TUBGCP4: variants seen among roughly 807,000 people sequenced by gnomAD.
TUBGCP4 encodes the protein tubulin gamma complex component 4.
In TUBGCP4, 54 loss-of-function variants were observed where a neutral mutation model predicts 91.6. The observed-to-expected ratio is 0.59, with a 90% CI of 0.47 to 0.74. The LOEUF is 0.74. Ranked by LOEUF, TUBGCP4 falls within the 30% of genes least tolerant of loss-of-function variation. The probability of loss-of-function intolerance (pLI) is 0.00; values close to 1 mark genes in which losing one functional copy is unlikely to be tolerated. For missense variants in TUBGCP4, 593 were observed against 800.9 expected (o/e 0.74, Z 3.13); for synonymous variants, 297 against 302.8 (o/e 0.98, Z 0.20).
intron 7 of TUBGCP4, among the ~76,000 whole-genome samples, chr15:43,384,872 A>C (rs1055204568): frequency 6.6e-6 from 1 of 152,192 alleles, no homozygotes; most frequent in African/African-American, 2.4e-5. Context: ...GGGGAGACTT[A>C]GGTGAAAATA....
Position 43,405,373 on chromosome 15 carries a change from C to T in TUBGCP4, c.*159C>T, listed in dbSNP as rs2044835055. 1.4e-6 allele frequency: 1 copy of T among 739,590 alleles called. No individual in the cohort carries two copies. The highest frequency in any genetic ancestry group is 2.3e-6 in the Non-Finnish European group (1 of 439,038). The allele number at this position is 739,590 out of a possible 1,614,324, so 45.8% of individuals were successfully genotyped here. Reference sequence around the variant, plus strand: ...AGCAGTTACTGAACATCCAGGAGTACAACTCCTTCCCATCATTCCCATGTG... The same window carrying T: ...AGCAGTTACTGAACATCCAGGAGTATAACTCCTTCCCATCATTCCCATGTG... On this transcript the variant is annotated 3_prime_UTR_variant, in exon 18 of 18. Transcript: ENST00000564079.
chr15:43,405,422 A>G lies in TUBGCP4; in HGVS notation c.*208A>G. On this transcript the variant is annotated 3_prime_UTR_variant, in exon 18 of 18. Coordinates refer to ENST00000564079, the MANE Select transcript of TUBGCP4 (RefSeq NM_014444.5). Reference sequence around the variant, plus strand: ...TGGAAGGGTCTCTCCCATCAAGGAGAACATGTGGCATCTCTGATCCTTTAC... The same window carrying G: ...TGGAAGGGTCTCTCCCATCAAGGAGGACATGTGGCATCTCTGATCCTTTAC... 1 of 606,748 alleles carries G rather than the reference A, an allele frequency of 1.6e-6. No individual in the cohort carries two copies. The highest frequency in any genetic ancestry group is 2.9e-6 in the Non-Finnish European group (1 of 341,136). The allele number at this position is 606,748 out of a possible 1,614,324, so 37.6% of individuals were successfully genotyped here. A position where few individuals can be genotyped will look rare whatever the true frequency, so the allele number is the denominator to read the frequency against.
chr15:43,401,721 T>C lies in TUBGCP4; in HGVS notation c.1602T>C (p.Asp534=), dbSNP rs374986339. The C allele has an allele frequency of 5.0e-5, 80 of 1,614,108 alleles. No homozygotes were observed. In the Middle Eastern group the frequency reaches 1.8e-3, roughly 37 times the overall value. ...VDNLQYYLQV[D]VLESQFSQLL... is the part of the protein sequence containing the mutation. ...TTTTTTGTAATGTCTATCAGGTAGA[T>C]GTGTTGGAGTCTCAGTTCTCCCAGC... is the stretch of plus-strand genomic sequence containing the variant. The change falls in exon 15 of 18, where the codon GAT becomes GAC. Residue 534 remains aspartate (D), a synonymous_variant. Coordinates refer to ENST00000564079, the MANE Select transcript of TUBGCP4 (RefSeq NM_014444.5).
At chr15:43,377,689 T>C in intron 4 of TUBGCP4, 158 bp from the exon 5 acceptor site, 1 of 577,020 alleles carries the variant, frequency 1.7e-6, no homozygotes, top group Non-Finnish European at 3.0e-6. Flanking sequence ...GCAGCGAACC[T>C]CCACATCAAA....
At position 43,383,578 on chromosome 15, in the gene TUBGCP4, T is replaced by C. The variant is rs1049926551; in HGVS notation, c.723+74T>C. 5 of 1,366,258 alleles carry C rather than the reference T, an allele frequency of 3.7e-6. No homozygotes were observed. The African/African-American group carries it at 5.8e-5, about 16-fold the overall frequency. The allele number at this position is 1,366,258 out of a possible 1,614,324, so 84.6% of individuals were successfully genotyped here. A position where few individuals can be genotyped will look rare whatever the true frequency, so the allele number is the denominator to read the frequency against. On this transcript the variant is annotated intron_variant, in intron 7 of 17. Transcript: ENST00000564079. ...AGCATGCACACAAATGATCTTCTGG[T>C]GATCCCTTCTTAGCTCATAGCTGAG...
Position 43,383,338 on chromosome 15 carries a change from A to C in TUBGCP4, c.557A>C (p.Gln186Pro), listed in dbSNP as rs773090430. Residue 186 changes from glutamine to proline, a missense_variant, in exon 7 of 18, where the codon CAG becomes CCG. Gln to Pro is a moderately conservative substitution (Grantham distance 76). Coordinates refer to ENST00000564079, the MANE Select transcript of TUBGCP4 (RefSeq NM_014444.5). Reference protein sequence around the residue: ...LAVCHGVMYKQLSAWMLHGLL... With the variant: ...LAVCHGVMYKPLSAWMLHGLL... ...GTTTGTCATGGGGTCATGTATAAACAGCTCTCAGCCTGGATGCTCCATGGA... is the reference window on the plus strand; with the variant it reads ...GTTTGTCATGGGGTCATGTATAAACCGCTCTCAGCCTGGATGCTCCATGGA... The C allele has an allele frequency of 7.4e-6, 12 of 1,614,088 alleles. No individual in the cohort carries two copies. In the African/African-American group the frequency reaches 1.6e-4, roughly 22 times the overall value.
At chr15:43,376,453 A>G (rs1406656270) in intron 2 of TUBGCP4, 50 bp from the exon 3 acceptor site, 8 of 1,613,958 alleles carry the variant, frequency 5.0e-6, no homozygotes, top group African/African-American at 1.3e-5. Flanking sequence ...TGTCTTTCTC[A>G]GGTTTCAGGG....
At position 43,409,497 on chromosome 15, in the gene TUBGCP4, T is replaced by A. The variant is rs954478559; in HGVS notation, c.*4283T>A. Reference sequence around the variant, plus strand: ...TCCCTATACACAACAAAAATTCTATTTCATGCAAAAACATTTTGGCAGTTT... The same window carrying A: ...TCCCTATACACAACAAAAATTCTATATCATGCAAAAACATTTTGGCAGTTT... On this transcript the variant is annotated 3_prime_UTR_variant, in exon 18 of 18. Coordinates refer to ENST00000564079, the MANE Select transcript of TUBGCP4 (RefSeq NM_014444.5). 5.8e-6 allele frequency: 3 copies of A among 521,018 alleles called. No homozygotes were observed. Among genetic ancestry groups the A allele is most frequent in the Non-Finnish European group, 1.0e-5 (3 of 296,736 alleles). The allele number at this position is 521,018 out of a possible 1,614,324, so 32.3% of individuals were successfully genotyped here. A position where few individuals can be genotyped will look rare whatever the true frequency, so the allele number is the denominator to read the frequency against.
At chr15:43,399,349 C>T (rs2044630431) in intron 13 of TUBGCP4, among the ~76,000 whole-genome samples, 2 of 152,152 alleles carry the variant, frequency 1.3e-5, no homozygotes. Flanking sequence ...GAATCAGATT[C>T]ATCATAATCC....
At chr15:43,374,168 A>G (rs953022065) in intron 1 of TUBGCP4, among the ~76,000 whole-genome samples, 2 of 152,220 alleles carry the variant, frequency 1.3e-5, no homozygotes, top group African/African-American at 4.8e-5. Flanking sequence ...ATCCATCCAT[A>G]TAATATGCTA....
intron 13 of TUBGCP4, 199 bp downstream of exon 13, chr15:43,398,378 C>G (rs1203169005): frequency 1.9e-5 from 7 of 371,740 alleles, no homozygotes; most frequent in African/African-American, 3.5e-5. Context: ...AGACCCCCAT[C>G]TCATAAAAAA....
Position 43,377,864 on chromosome 15 carries a change from C to T in TUBGCP4, c.402C>T (p.Pro134=). The T allele has an allele frequency of 6.2e-7, 1 of 1,605,908 alleles. No homozygotes were observed. The highest frequency in any genetic ancestry group is 8.5e-7 in the Non-Finnish European group (1 of 1,177,860). ...CTTTGCAGTTCCAGCTTCTTTTTCCCTCTGTGATGGTTGTAGTAGAACAAA... is the reference window on the plus strand; with the variant it reads ...CTTTGCAGTTCCAGCTTCTTTTTCCTTCTGTGATGGTTGTAGTAGAACAAA... ...YFLDQFQLLF[P]SVMVVVEQIK... Residue 134 remains proline (P), a synonymous_variant, in exon 5 of 18, where the codon CCC becomes CCT. Coordinates refer to ENST00000564079, the MANE Select transcript of TUBGCP4 (RefSeq NM_014444.5).
chr15:43,407,751 T>C lies in TUBGCP4; in HGVS notation c.*2537T>C, dbSNP rs1566910633. 1 of 779,622 alleles carries C rather than the reference T, an allele frequency of 1.3e-6. No homozygotes were observed. The allele number at this position is 779,622 out of a possible 1,614,324, so 48.3% of individuals were successfully genotyped here. ...TTATAATCACTATGTGCTGACCTTGTAGAAATATTTAACAAATATACGTCC... is the reference window on the plus strand; with the variant it reads ...TTATAATCACTATGTGCTGACCTTGCAGAAATATTTAACAAATATACGTCC... On this transcript the variant is annotated 3_prime_UTR_variant, in exon 18 of 18. Transcript: ENST00000564079.
At chr15:43,395,429 A>C (rs2044564892) in intron 10 of TUBGCP4, 154 bp from the exon 11 acceptor site, 3 of 711,892 alleles carry the variant, frequency 4.2e-6, no homozygotes, top group Non-Finnish European at 7.4e-6. Flanking sequence ...ATGCGGAACT[A>C]AGTATGCCTC....
chr15:43,398,726 C>A (rs572147995), intron 13 of TUBGCP4, among the ~76,000 whole-genome samples: 6 of 152,272 alleles, frequency 3.9e-5, no homozygotes, highest in Non-Finnish European at 7.4e-5. Flanking sequence ...TGTTGATTTA[C>A]TTGGGAAAGT....
Position 43,409,044 on chromosome 15 carries a change from C to T in TUBGCP4, c.*3830C>T, listed in dbSNP as rs368366606. Reference sequence around the variant, plus strand: ...ACTGGCAAGGCACAGGAAGTACTTCCGGGTTCGACAATGCTGATCCGCAAT... The same window carrying T: ...ACTGGCAAGGCACAGGAAGTACTTCTGGGTTCGACAATGCTGATCCGCAAT... On this transcript the variant is annotated 3_prime_UTR_variant, in exon 18 of 18. Coordinates refer to ENST00000564079, the MANE Select transcript of TUBGCP4 (RefSeq NM_014444.5). 1.9e-5 allele frequency: 30 copies of T among 1,614,072 alleles called. No homozygotes were observed. The highest frequency in any genetic ancestry group is 4.0e-5 in the African/African-American group (3 of 74,922).
Position 43,406,065 on chromosome 15 carries a change from A to G in TUBGCP4, c.*851A>G, listed in dbSNP as rs1244086895. The G allele has an allele frequency of 7.0e-6, 1 of 142,094 alleles. No homozygotes were observed. The highest frequency in any genetic ancestry group is 1.5e-5 in the Non-Finnish European group (1 of 66,280). The allele number at this position is 142,094 out of a possible 1,614,324, so 8.8% of individuals were successfully genotyped here. On this transcript the variant is annotated 3_prime_UTR_variant, in exon 18 of 18. Coordinates refer to ENST00000564079, the MANE Select transcript of TUBGCP4 (RefSeq NM_014444.5). ...CAAAAAAAAAAAAAAAAAAAAAAAA[A>G]GTATTATTCTCCAAGAAAAAGGTCC...
In TUBGCP4 at chr15:43,409,485, C is replaced by A; in HGVS notation, c.*4271C>A. The A allele has an allele frequency of 1.9e-6, 1 of 521,524 alleles. No individual in the cohort carries two copies. Among genetic ancestry groups the A allele is most frequent in the Non-Finnish European group, 3.4e-6 (1 of 296,540 alleles). 32.3% of individuals were successfully genotyped at this position (521,524 alleles called of 1,614,324 possible). ...CCTACCTTCTCTTCCCTATACACAA[C>A]AAAAATTCTATTTCATGCAAAAACA... On this transcript the variant is annotated 3_prime_UTR_variant, in exon 18 of 18. Coordinates refer to ENST00000564079, the MANE Select transcript of TUBGCP4 (RefSeq NM_014444.5).
At chr15:43,404,356 C>G (rs1750297209) in intron 16 of TUBGCP4, 57 bp from the exon 17 acceptor site, 2 of 1,607,302 alleles carry the variant, frequency 1.2e-6, no homozygotes, top group Admixed American at 3.4e-5. Context: ...CCCCCATCCT[C>G]CATATGGAGA....
Sources: allele counts gnomAD v4.1 joint callset (sites outside exome capture counted in the v4.1 genomes callset), GRCh38; gene constraint gnomAD v4.1.1; transcripts MANE v1.5; gene names NCBI Gene and HGNC (gene_info 2026-07-23, HGNC 2026-07-21).